YAP1: variants seen among roughly 807,000 people sequenced by gnomAD.
YAP1 encodes the protein transcriptional coactivator YAP1.
In YAP1, 5 loss-of-function variants were observed where a neutral mutation model predicts 56.9. The ratio of observed to expected loss-of-function variants is 0.09; its 90% CI spans 0.05 to 0.18. The LOEUF (loss-of-function observed/expected upper bound fraction) is 0.18, where lower values mean the gene tolerates loss of function less well. Ranked by LOEUF, YAP1 falls within the 10% of genes least tolerant of loss-of-function variation. The pLI is 1.00. For missense variants in YAP1, 539 were observed against 651.8 expected (o/e 0.83, Z 1.88); for synonymous variants, 265 against 248.1 (o/e 1.07, Z -0.64).
chr11:102,192,829 G>C (rs913681782), intron 4 of YAP1, among the ~76,000 whole-genome samples: 10 of 152,168 alleles, frequency 6.6e-5, no homozygotes, highest in African/African-American at 1.9e-4. Flanking sequence ...TCACAGTGTG[G>C]AATTACTTTT....
intron 4 of YAP1, among the ~76,000 whole-genome samples, chr11:102,195,993 C>T (rs1488070153): frequency 6.6e-6 from 1 of 152,150 alleles, no homozygotes; most frequent in Non-Finnish European, 1.5e-5. Flanking sequence ...AATGAGATAA[C>T]ACTTAACTCC....
intron 2 of YAP1, among the ~76,000 whole-genome samples, chr11:102,144,855 AACAC>A (rs565769543): frequency 3.0e-4 from 30 of 101,016 alleles, no homozygotes; most frequent in Admixed American, 1.1e-3. Context: ...CTTTGGCCAA[AACAC>A]ACACACACAC....
intron 8 of YAP1, among the ~76,000 whole-genome samples, chr11:102,229,131 C>A (rs1950345161): frequency 6.6e-6 from 1 of 152,172 alleles, no homozygotes; most frequent in South Asian, 2.1e-4. Context: ...AAAAAAGGCT[C>A]TGTGGCCAAG....
At position 102,111,093 on chromosome 11, in the gene YAP1, A is replaced by G. The variant is rs1942869088; in HGVS notation, c.245A>G (p.Gln82Arg). ...VMNPKTANVP[Q>R]TVPMRLRKLP... Reference sequence around the variant, plus strand: ...AACCCCAAGACGGCCAACGTGCCCCAGACCGTGCCCATGAGGCTCCGGAAG... The same window carrying G: ...AACCCCAAGACGGCCAACGTGCCCCGGACCGTGCCCATGAGGCTCCGGAAG... Residue 82 changes from glutamine (Q) to arginine (R), a missense_variant, in exon 1 of 9, where the codon CAG becomes CGG. Physicochemically the swap from Gln to Arg is conservative, Grantham distance 43. This residue lies in a region of YAP1 where 414 missense variants were observed against 512.4 expected (regional missense o/e 0.81). Coordinates refer to ENST00000282441, the MANE Select transcript of YAP1 (RefSeq NM_001130145.3). The G allele has an allele frequency of 1.2e-6, 2 of 1,613,330 alleles. No homozygotes were observed. The highest frequency in any genetic ancestry group is 2.7e-5 in the African/African-American group (2 of 74,928).
chr11:102,193,780 C>T (rs1230957809), intron 4 of YAP1, among the ~76,000 whole-genome samples: 2 of 151,696 alleles, frequency 1.3e-5, no homozygotes, highest in Non-Finnish European at 2.9e-5. Flanking sequence ...ACTAAAGCCG[C>T]TATCAAACAC....
rs1271082456 is a variant in YAP1 at position 102,232,079 on chromosome 11, T to A, written c.*2139T>A. On this transcript the variant is annotated 3_prime_UTR_variant, in exon 9 of 9. Coordinates refer to ENST00000282441, the MANE Select transcript of YAP1 (RefSeq NM_001130145.3). ...GGAAATGGCCACTGCAGATGGAGTT[T>A]TAGAGTAGTAATGAAATTCTACCTA... 6.6e-6 allele frequency: 1 copy of A among 152,516 alleles called. No individual in the cohort carries two copies. The highest frequency in any genetic ancestry group is 2.4e-5 in the African/African-American group (1 of 41,410). 9.4% of individuals were successfully genotyped at this position (152,516 alleles called of 1,614,324 possible). A position where few individuals can be genotyped will look rare whatever the true frequency, so the allele number is the denominator to read the frequency against.
At chr11:102,155,804 G>A (rs1203222520) in intron 2 of YAP1, among the ~76,000 whole-genome samples, 1 of 152,214 alleles carries the variant, frequency 6.6e-6, no homozygotes, top group African/African-American at 2.4e-5. Context: ...TACAGTGAAT[G>A]TGGTTCCAGA....
chr11:102,177,890 C>T lies in YAP1; in HGVS notation c.689-8128C>T, dbSNP rs771462158. Among the ~76,000 whole-genome samples, 47 of 151,834 alleles carry T rather than the reference C, an allele frequency of 3.1e-4. 1 individual carries two copies. Among genetic ancestry groups the T allele is most frequent in the Non-Finnish European group, 1.9e-4 (13 of 67,978 alleles). ...AAGCCATGGGATTTCATGAAAGTTCCAAGAAAAGAGGATTAAAAAAATATG... is the reference window on the plus strand; with the variant it reads ...AAGCCATGGGATTTCATGAAAGTTCTAAGAAAAGAGGATTAAAAAAATATG... On this transcript the variant is annotated intron_variant, in intron 3 of 8. Coordinates refer to ENST00000282441, the MANE Select transcript of YAP1 (RefSeq NM_001130145.3).
Position 102,232,281 on chromosome 11 carries a change from G to T in YAP1, c.*2341G>T, listed in dbSNP as rs1179523063. On this transcript the variant is annotated 3_prime_UTR_variant, in exon 9 of 9. Coordinates refer to ENST00000282441, the MANE Select transcript of YAP1 (RefSeq NM_001130145.3). ...TTAGGGGGAGGGTGGGAAAGTTTGG[G>T]GGGGGGGTTGTGAAGATTTAGGGGG... is the stretch of plus-strand genomic sequence containing the variant. The T allele has an allele frequency of 6.7e-6, 1 of 149,226 alleles. No individual in the cohort carries two copies. Among genetic ancestry groups the T allele is most frequent in the Non-Finnish European group, 1.5e-5 (1 of 67,322 alleles). The allele number at this position is 149,226 out of a possible 1,614,324, so 9.2% of individuals were successfully genotyped here.
Position 102,229,761 on chromosome 11 carries a change from G to A in YAP1, c.1336G>A (p.Glu446Lys), listed in dbSNP as rs2135729318. The A allele has an allele frequency of 6.2e-7, 1 of 1,614,124 alleles. No individual in the cohort carries two copies. The highest frequency in any genetic ancestry group is 8.5e-7 in the Non-Finnish European group (1 of 1,179,990). Reference sequence around the variant, plus strand: ...GCAGAACCGTTTCCCAGACTACCTTGAAGCCATTCCTGGGACAAATGTGGA... The same window carrying A: ...GCAGAACCGTTTCCCAGACTACCTTAAAGCCATTCCTGGGACAAATGTGGA... ...SQQNRFPDYL[E>K]AIPGTNVDLG... Residue 446 changes from glutamate to lysine, a missense_variant, in exon 9 of 9, where the codon GAA becomes AAA. Physicochemically the swap from Glu to Lys is moderately conservative, Grantham distance 56. Around this residue, in one of 4 missense-constraint regions of YAP1, gnomAD observed 414 missense variants for 512.4 expected, o/e 0.81. Coordinates refer to ENST00000282441, the MANE Select transcript of YAP1 (RefSeq NM_001130145.3).
intron 2 of YAP1, among the ~76,000 whole-genome samples, chr11:102,133,946 A>C (rs969252220): frequency 6.6e-6 from 1 of 152,158 alleles, no homozygotes; most frequent in African/African-American, 2.4e-5. Flanking sequence ...CTTTTTGTAC[A>C]TACAGTAAGA....
intron 3 of YAP1, among the ~76,000 whole-genome samples, chr11:102,181,423 G>A (rs970541983): frequency 2.0e-5 from 3 of 152,104 alleles, no homozygotes; most frequent in Admixed American, 6.5e-5. Flanking sequence ...TCCAGCCTGG[G>A]TGGCAGAGCG....
At chr11:102,112,826 C>A in intron 1 of YAP1, 1 of 951,908 alleles carries the variant, frequency 1.1e-6, no homozygotes, top group Non-Finnish European at 1.3e-6. Context: ...ACCCTACAGA[C>A]TGCACGGTAT....
intron 5 of YAP1, 96 bp downstream of exon 5, chr11:102,206,170 A>C: frequency 7.0e-7 from 1 of 1,428,266 alleles, no homozygotes; most frequent in Non-Finnish European, 9.5e-7. Context: ...GTTACAGAGG[A>C]ATGTTGTCTT....
intron 4 of YAP1, among the ~76,000 whole-genome samples, chr11:102,192,486 A>G (rs41420646): frequency 0.012 from 1,809 of 152,348 alleles, 22 homozygotes; most frequent in African/African-American, 0.039. Context: ...AGTTACAACA[A>G]TGTACTTGAT....
intron 1 of YAP1, chr11:102,112,576 T>G: frequency 1.0e-6 from 1 of 985,286 alleles, no homozygotes; most frequent in Non-Finnish European, 1.2e-6. Context: ...CCGCCCCCAC[T>G]CCCATTCCCT....
At chr11:102,131,273 G>A (rs1474172388) in intron 2 of YAP1, among the ~76,000 whole-genome samples, 1 of 152,176 alleles carries the variant, frequency 6.6e-6, no homozygotes, top group Non-Finnish European at 1.5e-5. Context: ...TCTTTTCTGT[G>A]AACTCACTAT....
At chr11:102,180,272 C>T (rs1349012878) in intron 3 of YAP1, among the ~76,000 whole-genome samples, 1 of 152,000 alleles carries the variant, frequency 6.6e-6, no homozygotes, top group Non-Finnish European at 1.5e-5. Flanking sequence ...TCCTTGGCCT[C>T]CTAATCTATT....
At chr11:102,129,934 C>T (rs931172024) in intron 2 of YAP1, among the ~76,000 whole-genome samples, 1 of 151,778 alleles carries the variant, frequency 6.6e-6, no homozygotes, top group Non-Finnish European at 1.5e-5. Context: ...TCAGCCTCCC[C>T]AGCAGCTGGG....
Sources: gnomAD v4.1 joint callset for allele counts (sites outside exome capture counted in the v4.1 genomes callset) on GRCh38, gnomAD v4.1.1 for gene constraint, gnomAD v4.1.1 regional missense constraint, MANE v1.5 for transcripts, NCBI Gene and HGNC (gene_info 2026-07-23, HGNC 2026-07-21) for gene names.